The following LGSN variants were observed in gnomAD, a reference collection of about 807,000 sequenced individuals.
The protein encoded by LGSN is lengsin.
Under a neutral mutation model 19.5 loss-of-function variants are expected in LGSN, and 21 were observed. That is an observed-to-expected ratio of 1.07 (90% confidence interval 0.76 to 1.55). The LOEUF (loss-of-function observed/expected upper bound fraction) is 1.55. LGSN is among the 40% of genes most tolerant of loss of function. LGSN has a pLI of 0.00. For synonymous variants in LGSN, 257 were observed against 215.6 expected, an observed-to-expected ratio of 1.19 and a Z score of -1.68; for missense variants, 673 against 608.5, an observed-to-expected ratio of 1.11 and a Z score of -1.12.
chr6:63,470,157 C>A, the LGSN span, among the ~76,000 whole-genome samples: 25 of 151,882 alleles, frequency 1.6e-4, no homozygotes, highest in South Asian at 6.2e-4. Flanking sequence ...GGAAGGAAGG[C>A]AGGCAGGCAG....
intron 1 of LGSN, among the ~76,000 whole-genome samples, chr6:63,307,459 G>A (rs1338494553): frequency 6.6e-6 from 1 of 152,180 alleles, no homozygotes; most frequent in Non-Finnish European, 1.5e-5. Context: ...GTAGGGCCAG[G>A]TACTAGTTCT....
chr6:63,454,467 T>A, the LGSN span, among the ~76,000 whole-genome samples: 2 of 134,722 alleles, frequency 1.5e-5, no homozygotes, highest in East Asian at 4.5e-4. Context: ...GTTTTTACAT[T>A]TTCTTTTTTT....
chr6:63,447,899 A>G, the LGSN span, among the ~76,000 whole-genome samples: 1 of 152,206 alleles, frequency 6.6e-6, no homozygotes, highest in Admixed American at 6.5e-5. Flanking sequence ...TCCATAACTC[A>G]AAGTAGGAAA....
the LGSN span, among the ~76,000 whole-genome samples, chr6:63,439,076 T>TCATCA: frequency 1.3e-5 from 2 of 152,048 alleles, no homozygotes; most frequent in African/African-American, 4.8e-5. Context: ...AAATTGGAAA[T>TCATCA]CATCATTCTC....
chr6:63,343,187 G>A, the LGSN span, among the ~76,000 whole-genome samples: 1 of 152,146 alleles, frequency 6.6e-6, no homozygotes, highest in Non-Finnish European at 1.5e-5. Context: ...AAAGAAAACA[G>A]TCTAAGCTAA....
At chr6:63,415,691 T>A in the LGSN span, among the ~76,000 whole-genome samples, 1 of 152,190 alleles carries the variant, frequency 6.6e-6, no homozygotes, top group Non-Finnish European at 1.5e-5. Flanking sequence ...CCTAACCATA[T>A]CAACCCTCAT....
At chr6:63,493,488 T>A in the LGSN span, among the ~76,000 whole-genome samples, 2 of 152,242 alleles carry the variant, frequency 1.3e-5, no homozygotes, top group Non-Finnish European at 2.9e-5. Context: ...ACTGTCCAGA[T>A]GTTCAGTTTA....
chr6:63,291,917 T>C (rs921239424), intron 2 of LGSN, among the ~76,000 whole-genome samples: 2 of 152,208 alleles, frequency 1.3e-5, no homozygotes, highest in African/African-American at 4.8e-5. Context: ...ATCTAAGCCC[T>C]TGAAATTAGA....
rs763580225 is a variant in LGSN, at chr6:63,280,006, G to A, written c.*15C>T. ...TAACAATTACATGTCTAAAGGAGTA[G>A]TTGTGAGCTCTATTCTAAATAAAAT... On this transcript the variant is annotated 3_prime_UTR_variant, in exon 4 of 4. Transcript: ENST00000370657. 1.3e-6 allele frequency: 2 copies of A among 1,566,836 alleles called. No individual in the cohort carries two copies. Among genetic ancestry groups the A allele is most frequent in the Non-Finnish European group, 1.7e-6 (2 of 1,157,730 alleles).
At chr6:63,571,941 C>G in the LGSN span, 7 of 152,276 alleles carry the variant, frequency 4.6e-5, no homozygotes, top group African/African-American at 1.7e-4. Context: ...CCGGGTACAG[C>G]GGTCTTGCGA....
the LGSN span, among the ~76,000 whole-genome samples, chr6:63,502,963 C>A: frequency 6.6e-6 from 1 of 152,144 alleles, no homozygotes; most frequent in Admixed American, 6.6e-5. Flanking sequence ...ATTAATCAAT[C>A]GATGTCAGAT....
chr6:63,381,333 C>A, the LGSN span, among the ~76,000 whole-genome samples: 1 of 152,152 alleles, frequency 6.6e-6, no homozygotes, highest in Non-Finnish European at 1.5e-5. Context: ...TCAGGGCATC[C>A]ACAGGAAGAA....
intron 2 of LGSN, among the ~76,000 whole-genome samples, chr6:63,292,362 A>G (rs1767806958): frequency 6.6e-6 from 1 of 152,212 alleles, no homozygotes; most frequent in Non-Finnish European, 1.5e-5. Context: ...TGTGTGTACT[A>G]AAGGATTTAA....
At chr6:63,438,680 C>T in the LGSN span, among the ~76,000 whole-genome samples, 2 of 152,000 alleles carry the variant, frequency 1.3e-5, no homozygotes, top group African/African-American at 4.8e-5. Flanking sequence ...AGTTAGAATG[C>T]CAATCATTAA....
the LGSN span, among the ~76,000 whole-genome samples, chr6:63,432,471 C>CACCA: frequency 9.3e-3 from 1,412 of 152,048 alleles, 21 homozygotes; most frequent in African/African-American, 0.032. Context: ...GCAGGTGGAT[C>CACCA]ACCAGATCAG....
the LGSN span, among the ~76,000 whole-genome samples, chr6:63,436,665 G>C: frequency 7.9e-5 from 12 of 152,274 alleles, no homozygotes; most frequent in South Asian, 2.5e-3. Context: ...CAAAGGCAGA[G>C]AGTGAATTGT....
the LGSN span, among the ~76,000 whole-genome samples, chr6:63,483,044 G>T: frequency 2.6e-5 from 4 of 152,106 alleles, no homozygotes; most frequent in South Asian, 4.1e-4. Context: ...TGCATGTCAG[G>T]CACTGTTCTC....
chr6:63,480,716 A>G, the LGSN span: 1 of 151,946 alleles, frequency 6.6e-6, no homozygotes, highest in African/African-American at 2.4e-5. Context: ...TACAACCTCT[A>G]TGGAAAACAG....
the LGSN span, among the ~76,000 whole-genome samples, chr6:63,375,313 A>G: frequency 6.6e-6 from 1 of 151,974 alleles, no homozygotes; most frequent in Non-Finnish European, 1.5e-5. Flanking sequence ...CTGTAATTGT[A>G]TTAAATTAAT....
Sources: allele counts gnomAD v4.1 joint callset (sites outside exome capture counted in the v4.1 genomes callset), GRCh38; gene constraint gnomAD v4.1.1; transcripts MANE v1.5; gene names NCBI Gene and HGNC (gene_info 2026-07-23, HGNC 2026-07-21).